SLC30A6: variants seen among roughly 807,000 people sequenced by gnomAD.
SLC30A6 encodes solute carrier family 30 member 6.
SLC30A6 carries 55 observed loss-of-function variants against 63.0 expected under a neutral mutation model. That is an observed-to-expected ratio of 0.87 (90% CI 0.70 to 1.09). The LOEUF is 1.09. Among genes scored for constraint, SLC30A6 ranks in the 50% least tolerant of loss-of-function variants. The pLI is 0.00. For synonymous variants in SLC30A6, 224 were observed against 186.1 expected, an observed-to-expected ratio of 1.20 and a Z score of -1.66; for missense variants, 587 against 549.2, an observed-to-expected ratio of 1.07 and a Z score of -0.69.
At chr2:32,177,452 G>A (rs1164094380) in intron 4 of SLC30A6, 6 of 225,598 alleles carry the variant, frequency 2.7e-5, no homozygotes, top group Admixed American at 5.9e-5. Context: ...CACCAGGCAC[G>A]GCTAATTTTT....
At chr2:32,206,263 G>A (rs1684763224) in intron 11 of SLC30A6, among the ~76,000 whole-genome samples, 3 of 151,822 alleles carry the variant, frequency 2.0e-5, no homozygotes, top group South Asian at 2.1e-4. Flanking sequence ...TGGCTAACAC[G>A]GTGAAACCCC....
chr2:32,208,435 G>C (rs1684971197), intron 12 of SLC30A6, among the ~76,000 whole-genome samples: 1 of 151,394 alleles, frequency 6.6e-6, no homozygotes, highest in Non-Finnish European at 1.5e-5. Flanking sequence ...CCAGCCTTTT[G>C]TTGTTTTTTT....
chr2:32,167,300 CCT>C (rs1680764574), intron 1 of SLC30A6, among the ~76,000 whole-genome samples: 1 of 151,712 alleles, frequency 6.6e-6, no homozygotes, highest in Non-Finnish European at 1.5e-5. Context: ...ATCGCGAACT[CCT>C]GACCTCAGGT....
chr2:32,181,951 T>TTTTC (rs749568502), intron 4 of SLC30A6, among the ~76,000 whole-genome samples: 4 of 149,870 alleles, frequency 2.7e-5, no homozygotes, highest in Non-Finnish European at 4.4e-5. Flanking sequence ...TTTTTTTTTT[T>TTTTC]TGAGACAGGG....
intron 10 of SLC30A6, among the ~76,000 whole-genome samples, chr2:32,198,465 T>C (rs923348597): frequency 2.0e-5 from 3 of 152,214 alleles, no homozygotes; most frequent in Non-Finnish European, 2.9e-5. Flanking sequence ...TATTTTCCCT[T>C]AACTCTGAAA....
intron 1 of SLC30A6, among the ~76,000 whole-genome samples, chr2:32,168,405 T>G (rs899358010): frequency 5.1e-4 from 76 of 149,090 alleles, no homozygotes; most frequent in Non-Finnish European, 9.5e-4. Context: ...AAACAGTGCC[T>G]TCTTAGAAAA....
intron 10 of SLC30A6, chr2:32,203,049 T>C: frequency 8.0e-7 from 1 of 1,251,590 alleles, no homozygotes; most frequent in Non-Finnish European, 1.2e-6. Context: ...GAATGCCCAG[T>C]GTTTACATGG....
Position 32,223,926 on chromosome 2 carries a change from G to C in SLC30A6, c.*3213G>C, listed in dbSNP as rs943246998. On this transcript the variant is annotated 3_prime_UTR_variant, in exon 14 of 14. Coordinates refer to ENST00000282587, the MANE Select transcript of SLC30A6 (RefSeq NM_017964.5). ...CATATAATGTAGCAGGTACTGGAGA[G>C]GACCTGAATTTCAAGCTTCTGATTT... The C allele has an allele frequency of 6.6e-6, 1 of 152,186 alleles. No individual in the cohort carries two copies. The highest frequency in any genetic ancestry group is 2.4e-5 in the African/African-American group (1 of 41,422). 9.4% of individuals were successfully genotyped at this position (152,186 alleles called of 1,614,324 possible).
At chr2:32,191,308 G>C (rs1256410993) in intron 5 of SLC30A6, among the ~76,000 whole-genome samples, 1 of 151,772 alleles carries the variant, frequency 6.6e-6, no homozygotes, top group Non-Finnish European at 1.5e-5. Flanking sequence ...CTTTTTCCAT[G>C]TCAATAAATA....
At chr2:32,190,414 G>A (rs990735088) in intron 5 of SLC30A6, among the ~76,000 whole-genome samples, 4 of 150,638 alleles carry the variant, frequency 2.7e-5, no homozygotes, top group African/African-American at 4.9e-5. Context: ...AGCCAATATC[G>A]TGTCATTGCT....
chr2:32,186,290 G>A (rs1016384370), intron 5 of SLC30A6, among the ~76,000 whole-genome samples: 1 of 152,208 alleles, frequency 6.6e-6, no homozygotes, highest in African/African-American at 2.4e-5. Context: ...CCCAGCCTGT[G>A]TCACTGAAAC....
chr2:32,169,875 A>C (rs147555273), intron 1 of SLC30A6, among the ~76,000 whole-genome samples: 2 of 152,360 alleles, frequency 1.3e-5, no homozygotes, highest in African/African-American at 4.8e-5. Flanking sequence ...AAAGTTGCAA[A>C]AGCAAATGTG....
intron 1 of SLC30A6, among the ~76,000 whole-genome samples, chr2:32,169,210 C>G (rs1176557190): frequency 6.6e-6 from 1 of 152,080 alleles, no homozygotes; most frequent in Non-Finnish European, 1.5e-5. Context: ...GGGTCTCGCT[C>G]TGTTGCCCAG....
At position 32,220,867 on chromosome 2, in the gene SLC30A6, T is replaced by G; in HGVS notation, c.*154T>G. On this transcript the variant is annotated 3_prime_UTR_variant, in exon 14 of 14. Transcript: ENST00000282587. ...CATGAAACCTATGAAACTATATTTTTGTAAAATGTATTTGTGACAGTGAAA... is the reference window on the plus strand; with the variant it reads ...CATGAAACCTATGAAACTATATTTTGGTAAAATGTATTTGTGACAGTGAAA... The G allele has an allele frequency of 1.4e-6, 1 of 711,640 alleles. No homozygotes were observed. The highest frequency in any genetic ancestry group is 2.2e-6 in the Non-Finnish European group (1 of 449,710). The allele number at this position is 711,640 out of a possible 1,614,324, so 44.1% of individuals were successfully genotyped here. A position where few individuals can be genotyped will look rare whatever the true frequency, so the allele number is the denominator to read the frequency against.
intron 12 of SLC30A6, among the ~76,000 whole-genome samples, chr2:32,208,122 G>T (rs1423143025): frequency 6.6e-6 from 1 of 151,360 alleles, no homozygotes; most frequent in Non-Finnish European, 1.5e-5. Context: ...GTGAGCCACC[G>T]TGCCCAGCCT....
chr2:32,171,669 T>G (rs1193765573), intron 2 of SLC30A6, among the ~76,000 whole-genome samples: 2 of 150,372 alleles, frequency 1.3e-5, no homozygotes. Context: ...ATGGATCCAG[T>G]CTAAAGCCAT....
chr2:32,211,282 G>C (rs973208130), intron 13 of SLC30A6, among the ~76,000 whole-genome samples: 1 of 152,142 alleles, frequency 6.6e-6, no homozygotes, highest in Admixed American at 6.5e-5. Flanking sequence ...CTTTAGAAGG[G>C]GCCGTTGGGA....
intron 13 of SLC30A6, among the ~76,000 whole-genome samples, chr2:32,218,156 C>T (rs551601416): frequency 5.3e-5 from 8 of 152,172 alleles, no homozygotes; most frequent in East Asian, 1.9e-4. Context: ...CATGGTGGCT[C>T]ACGCCCGTAA....
intron 10 of SLC30A6, chr2:32,203,202 G>T: frequency 8.8e-7 from 1 of 1,137,804 alleles, no homozygotes; most frequent in South Asian, 1.2e-5. Context: ...TCCTCCTCAG[G>T]ATGTTGAGTC....
Sources: allele counts gnomAD v4.1 joint callset (sites outside exome capture counted in the v4.1 genomes callset), GRCh38; gene constraint gnomAD v4.1.1; transcripts MANE v1.5; gene names NCBI Gene and HGNC (gene_info 2026-07-23, HGNC 2026-07-21).